Variants in LUZP1 observed in about 807,000 individuals in gnomAD.
LUZP1 encodes filamin mechanobinding actin cross-linking protein.
Under a neutral mutation model 71.3 loss-of-function variants are expected in LUZP1, and 25 were observed. The observed-to-expected ratio is 0.35, with a 90% CI of 0.26 to 0.49. The LOEUF (loss-of-function observed/expected upper bound fraction) is 0.49, where lower values mean the gene tolerates loss of function less well. LUZP1 is among the 20% of genes least tolerant of loss of function. The pLI, the probability that LUZP1 is intolerant of heterozygous loss-of-function variation, is 0.99. For missense variants in LUZP1, 1,142 were observed against 1,300.8 expected (o/e 0.88, Z 1.88); for synonymous variants, 481 against 506.4 (o/e 0.95, Z 0.67).
intron 2 of LUZP1, among the ~76,000 whole-genome samples, chr1:23,154,709 ATTTTTTT>A (rs1191570803): frequency 8.0e-6 from 1 of 125,634 alleles, no homozygotes; most frequent in Admixed American, 8.2e-5. Flanking sequence ...CACCTGGCTA[ATTTTTTT>A]TTTTTTTTTT....
chr1:23,108,825 C>T (rs184048509), intron 3 of LUZP1, among the ~76,000 whole-genome samples, 197 bp downstream of exon 2: 5 of 152,178 alleles, frequency 3.3e-5, no homozygotes, highest in East Asian at 1.9e-4. Flanking sequence ...CTAATTCTTA[C>T]GGTTGCTAAC....
chr1:23,125,087 A>G (rs1644161630), intron 2 of LUZP1, among the ~76,000 whole-genome samples: 2 of 152,210 alleles, frequency 1.3e-5, no homozygotes, highest in African/African-American at 4.8e-5. Flanking sequence ...TAGGAAGTGG[A>G]AATTCCAAGG....
chr1:23,138,376 G>C (rs528470687), intron 2 of LUZP1, among the ~76,000 whole-genome samples: 1 of 152,232 alleles, frequency 6.6e-6, no homozygotes, highest in African/African-American at 2.4e-5. Context: ...AAACACTATA[G>C]CAAATGAAAG....
intron 3 of LUZP1, among the ~76,000 whole-genome samples, chr1:23,097,263 C>T (rs896454489): frequency 6.6e-5 from 10 of 152,134 alleles, no homozygotes; most frequent in African/African-American, 2.2e-4. Flanking sequence ...GCAAAAACAT[C>T]CCAAACACAA....
intron 2 of LUZP1, among the ~76,000 whole-genome samples, chr1:23,117,488 C>T (rs1557653830): frequency 3.0e-4 from 16 of 52,928 alleles, no homozygotes; most frequent in Admixed American, 2.8e-3. Flanking sequence ...CCCCCCCCCC[C>T]CCCACAATCA....
intron 2 of LUZP1, among the ~76,000 whole-genome samples, chr1:23,168,093 A>G (rs1401022005): frequency 6.7e-6 from 1 of 148,206 alleles, no homozygotes; most frequent in African/African-American, 2.4e-5. Context: ...CTGCGAGACC[A>G]GCAGAGCGCC....
At chr1:23,123,120 TACTTTATC>T (rs1359761872) in intron 2 of LUZP1, among the ~76,000 whole-genome samples, 1 of 152,216 alleles carries the variant, frequency 6.6e-6, no homozygotes, top group African/African-American at 2.4e-5. Context: ...AGCTAGACTA[TACTTTATC>T]ACTTTAGAAC....
chr1:23,096,719 T>C (rs1235041250), intron 3 of LUZP1, among the ~76,000 whole-genome samples: 1 of 152,164 alleles, frequency 6.6e-6, no homozygotes, highest in Admixed American at 6.5e-5. Flanking sequence ...ACGCCTGTAA[T>C]CCCAACATTT....
At chr1:23,135,025 C>T (rs1396200982) in intron 2 of LUZP1, among the ~76,000 whole-genome samples, 2 of 152,096 alleles carry the variant, frequency 1.3e-5, no homozygotes, top group African/African-American at 4.8e-5. Context: ...AAGCTCAATA[C>T]AAAAACTCAA....
chr1:23,159,887 G>A (rs927829986), intron 2 of LUZP1, among the ~76,000 whole-genome samples: 4 of 152,218 alleles, frequency 2.6e-5, no homozygotes, highest in Admixed American at 2.0e-4. Context: ...TCGGGAGGCT[G>A]AGACAGAAGA....
chr1:23,108,048 C>G (rs1214723338), intron 3 of LUZP1, among the ~76,000 whole-genome samples: 1 of 152,164 alleles, frequency 6.6e-6, no homozygotes, highest in Non-Finnish European at 1.5e-5. Context: ...AACTATCATC[C>G]AGCTATCAGG....
intron 2 of LUZP1, among the ~76,000 whole-genome samples, chr1:23,126,465 T>TTTTA (rs1229814901): frequency 1.3e-5 from 2 of 152,056 alleles, no homozygotes; most frequent in African/African-American, 2.4e-5. Flanking sequence ...GCTTCTCCTG[T>TTTTA]TTTACTTCTC....
chr1:23,140,492 T>G (rs1644293647), intron 2 of LUZP1: 1 of 152,182 alleles, frequency 6.6e-6, no homozygotes, highest in South Asian at 2.1e-4. Context: ...CAATGCCATC[T>G]TCAACTACCA....
chr1:23,165,686 T>G (rs1046393536), intron 2 of LUZP1, among the ~76,000 whole-genome samples: 3 of 152,150 alleles, frequency 2.0e-5, no homozygotes, highest in Non-Finnish European at 2.9e-5. Flanking sequence ...ATTCATTCAC[T>G]CATCAAATAT....
chr1:23,161,712 G>GCATT (rs776068782), intron 2 of LUZP1, among the ~76,000 whole-genome samples: 1 of 152,128 alleles, frequency 6.6e-6, no homozygotes, highest in Non-Finnish European at 1.5e-5. Context: ...GCTATACAGG[G>GCATT]CATTATAGGT....
chr1:23,117,597 G>A (rs192778612), intron 2 of LUZP1, among the ~76,000 whole-genome samples: 6 of 151,410 alleles, frequency 4.0e-5, no homozygotes, highest in Admixed American at 3.9e-4. Context: ...AAGAGAGGTG[G>A]ATGGGTGGGG....
intron 3 of LUZP1, among the ~76,000 whole-genome samples, chr1:23,104,799 G>A (rs1304771424): frequency 6.6e-6 from 1 of 152,156 alleles, no homozygotes; most frequent in Admixed American, 6.5e-5. Context: ...TCAGATCTAG[G>A]CACTACATTC....
In LUZP1 at chr1:23,106,900, G is replaced by A. The variant is rs577108545; in HGVS notation, c.-120+2122C>T. ...ATCAGTCAGATCAAGTCACTCCTCT[G>A]CTCTAAGCTCTTTAGTGCACCTCAC... is the stretch of plus-strand genomic sequence containing the variant. On this transcript the variant is annotated intron_variant, in intron 3 of 4. Coordinates refer to ENST00000302291, the Ensembl canonical transcript of LUZP1. Among the ~76,000 whole-genome samples the A allele has an allele frequency of 7.2e-5, 11 of 152,268 alleles. No homozygotes were observed. In the South Asian group the frequency reaches 2.3e-3, roughly 32 times the overall value.
At chr1:23,168,829 G>A (rs1644532599) in exon 2 of LUZP1, 1 of 152,920 alleles carries the variant, frequency 6.5e-6, no homozygotes, top group Admixed American at 6.5e-5. Context: ...CCAGCGACCG[G>A]CGCCTCCTCT....
Sources: allele counts gnomAD v4.1 joint callset (sites outside exome capture counted in the v4.1 genomes callset), GRCh38; gene constraint gnomAD v4.1.1; transcripts MANE v1.5; gene names NCBI Gene and HGNC (gene_info 2026-07-23, HGNC 2026-07-21).